Variants in C16orf78 observed in about 807,000 individuals in gnomAD.
The protein encoded by C16orf78 is chromosome 16 open reading frame 78.
Under a neutral mutation model 27.3 loss-of-function variants are expected in C16orf78, and 19 were observed. The ratio of observed to expected loss-of-function variants is 0.70; its 90% CI spans 0.49 to 1.02. The LOEUF is 1.02. C16orf78 is among the 50% of genes least tolerant of loss of function. C16orf78 has a pLI of 0.00. For missense variants in C16orf78, 339 were observed against 337.0 expected (o/e 1.01, Z -0.05); for synonymous variants, 130 against 116.1 (o/e 1.12, Z -0.77).
intron 1 of C16orf78, among the ~76,000 whole-genome samples, chr16:49,376,180 C>G (rs1464241717): frequency 1.3e-5 from 2 of 152,196 alleles, no homozygotes; most frequent in East Asian, 3.8e-4. Flanking sequence ...CCCTCTGTGA[C>G]CTCCTCTGTT....
intron 3 of C16orf78, among the ~76,000 whole-genome samples, chr16:49,391,681 C>T (rs1161416305): frequency 6.6e-6 from 1 of 152,234 alleles, no homozygotes; most frequent in African/African-American, 2.4e-5. Context: ...CCCTTGAACA[C>T]TGCCTGGTAT....
rs777977560 is a variant in C16orf78 at position 49,399,167 on chromosome 16, G to T, written c.687G>T (p.Leu229Phe). Residue 229 changes from leucine to phenylalanine, a missense_variant, in exon 5 of 5, where the codon TTG (leucine) becomes TTT (phenylalanine). Leu to Phe is a conservative substitution (Grantham distance 22). Coordinates refer to ENST00000299191, the MANE Select transcript of C16orf78 (RefSeq NM_144602.4). ...LRLSKENIRTLLKLCKDAGMN... is the reference protein window; with the variant it reads ...LRLSKENIRTFLKLCKDAGMN... ...TATCCAAGGAGAACATTCGGACCTTGCTCAAGTTGTGCAAGGATGCAGGAA... is the reference window on the plus strand; with the variant it reads ...TATCCAAGGAGAACATTCGGACCTTTCTCAAGTTGTGCAAGGATGCAGGAA... 2 of 1,614,164 alleles carry T rather than the reference G, an allele frequency of 1.2e-6. No homozygotes were observed. The highest frequency in any genetic ancestry group is 1.3e-5 in the African/African-American group (1 of 75,038).
At chr16:49,379,856 T>C (rs982814139) in intron 3 of C16orf78, among the ~76,000 whole-genome samples, 3 of 152,230 alleles carry the variant, frequency 2.0e-5, no homozygotes, top group African/African-American at 7.2e-5. Context: ...AAAGTATTGT[T>C]CCTAGGTGTG....
At chr16:49,384,446 C>T (rs1965323434) in intron 3 of C16orf78, among the ~76,000 whole-genome samples, 2 of 149,376 alleles carry the variant, frequency 1.3e-5, no homozygotes, top group African/African-American at 5.0e-5. Flanking sequence ...ATGGCAGACT[C>T]AATCCAACAG....
intron 3 of C16orf78, among the ~76,000 whole-genome samples, chr16:49,388,436 T>C (rs1224244563): frequency 6.6e-6 from 1 of 152,208 alleles, no homozygotes; most frequent in Non-Finnish European, 1.5e-5. Context: ...TTCAAATAAC[T>C]TCTTGATTTC....
intron 3 of C16orf78, among the ~76,000 whole-genome samples, chr16:49,378,974 T>C (rs905852386): frequency 6.6e-6 from 1 of 152,216 alleles, no homozygotes; most frequent in African/African-American, 2.4e-5. Flanking sequence ...CCACTCCTGC[T>C]GGCCTGAAAC....
At chr16:49,388,056 A>G (rs1404561778) in intron 3 of C16orf78, among the ~76,000 whole-genome samples, 1 of 152,150 alleles carries the variant, frequency 6.6e-6, no homozygotes, top group African/African-American at 2.4e-5. Flanking sequence ...AGGCCGAGAC[A>G]GGCAGATGCC....
At chr16:49,394,936 T>A (rs1965453192) in intron 3 of C16orf78, among the ~76,000 whole-genome samples, 1 of 152,120 alleles carries the variant, frequency 6.6e-6, no homozygotes, top group Non-Finnish European at 1.5e-5. Context: ...GGTGTGATCA[T>A]AGCTCACCGC....
At position 49,396,550 on chromosome 16, in the gene C16orf78, A is replaced by G. The variant is rs1240212239; in HGVS notation, c.522A>G (p.Ile174Met). 1.2e-6 allele frequency: 2 copies of G among 1,610,720 alleles called. No individual in the cohort carries two copies. Among genetic ancestry groups the G allele is most frequent in the African/African-American group, 1.4e-5 (1 of 71,874 alleles). ...GTFNSQRATF[I>M]RDWSNKMPDM... ...TTAACAGCCAGAGGGCAACCTTCAT[A>G]AGAGACTGGTCCAACAAGATGCCTG... The change falls in exon 4 of 5, where the codon ATA becomes ATG. Residue 174 changes from isoleucine to methionine, a missense_variant. By Grantham distance (10) the Ile-to-Met change is conservative. Coordinates refer to ENST00000299191, the MANE Select transcript of C16orf78 (RefSeq NM_144602.4).
At chr16:49,385,873 A>G (rs1965344458) in intron 3 of C16orf78, among the ~76,000 whole-genome samples, 1 of 152,166 alleles carries the variant, frequency 6.6e-6, no homozygotes, top group African/African-American at 2.4e-5. Context: ...ATTGATAATT[A>G]CTTTAAATAT....
chr16:49,386,722 A>G (rs1469982489), intron 3 of C16orf78, among the ~76,000 whole-genome samples: 5 of 151,872 alleles, frequency 3.3e-5, no homozygotes, highest in Admixed American at 6.6e-5. Flanking sequence ...TTCTGCATCA[A>G]TTTTCTAAGG....
At chr16:49,383,514 A>G (rs976673245) in intron 3 of C16orf78, among the ~76,000 whole-genome samples, 5 of 152,190 alleles carry the variant, frequency 3.3e-5, no homozygotes, top group Admixed American at 1.3e-4. Flanking sequence ...CTCTCCCTTC[A>G]TGACCAGTTA....
At position 49,380,846 on chromosome 16, in the gene C16orf78, C is replaced by A. The variant is rs548568405; in HGVS notation, c.394+2253C>A. Among the ~76,000 whole-genome samples, 4 of 152,190 alleles carry A rather than the reference C, an allele frequency of 2.6e-5. No homozygotes were observed. In the East Asian group the frequency reaches 7.7e-4, roughly 29 times the overall value. ...GAAGGGATCCAGTTTCAGCTTTCTA[C>A]ATATGGCAAGCCAGTTTTCCCAGCA... is the stretch of plus-strand genomic sequence containing the variant. On this transcript the variant is annotated intron_variant, in intron 3 of 4. Transcript: ENST00000299191.
At chr16:49,394,305 A>T (rs1373268628) in intron 3 of C16orf78, among the ~76,000 whole-genome samples, 4 of 152,178 alleles carry the variant, frequency 2.6e-5, no homozygotes, top group Admixed American at 6.5e-5. Flanking sequence ...ATTTTTAGCA[A>T]ACATACTCAA....
intron 1 of C16orf78, among the ~76,000 whole-genome samples, chr16:49,376,484 G>C (rs919028707): frequency 6.6e-6 from 1 of 152,154 alleles, no homozygotes; most frequent in Non-Finnish European, 1.5e-5. Flanking sequence ...GAGGAGATGG[G>C]TCATCCTAGC....
chr16:49,395,012 C>T (rs1057056302), intron 3 of C16orf78, among the ~76,000 whole-genome samples: 14 of 152,194 alleles, frequency 9.2e-5, no homozygotes, highest in South Asian at 2.1e-4. Context: ...GGATGACAGG[C>T]ATGTGCCACC....
rs1232831410 is a variant in C16orf78 at position 49,377,743 on chromosome 16, A to G, written c.163A>G (p.Lys55Glu). ...KKQAPEKQKP[K>E]VVTVLKRNKK... ...CTTGTCTTTTCAGAAGCAAAAGCCC[A>G]AAGTGGTGACAGTCCTTAAACGAAA... Residue 55 changes from lysine to glutamate, a missense_variant, in exon 2 of 5, where the codon AAA becomes GAA. By Grantham distance (56) the Lys-to-Glu change is moderately conservative. Transcript: ENST00000299191. 3.1e-6 allele frequency: 5 copies of G among 1,604,238 alleles called. No homozygotes were observed. Among genetic ancestry groups the G allele is most frequent in the Non-Finnish European group, 4.3e-6 (5 of 1,175,562 alleles).
intron 3 of C16orf78, among the ~76,000 whole-genome samples, chr16:49,384,506 G>A (rs900228404): frequency 4.0e-5 from 6 of 151,622 alleles, no homozygotes; most frequent in Non-Finnish European, 7.4e-5. Context: ...TCAGTCTGAG[G>A]AGTAAAAAAA....
chr16:49,392,823 G>A (rs1965429015), intron 3 of C16orf78, among the ~76,000 whole-genome samples: 1 of 152,174 alleles, frequency 6.6e-6, no homozygotes, highest in African/African-American at 2.4e-5. Context: ...TGGTTTGACT[G>A]TGTCCCCACC....
Sources: gnomAD v4.1 joint callset for allele counts (sites outside exome capture counted in the v4.1 genomes callset) on GRCh38, gnomAD v4.1.1 for gene constraint, MANE v1.5 for transcripts, NCBI Gene and HGNC (gene_info 2026-07-23, HGNC 2026-07-21) for gene names.